The following NEGR1 variants were observed in gnomAD, a reference collection of about 807,000 sequenced individuals.
The protein encoded by NEGR1 is IgLON family member 4.
NEGR1 carries 10 observed loss-of-function variants against 40.9 expected under a neutral mutation model. That is an observed-to-expected ratio of 0.24 (90% CI 0.15 to 0.42). NEGR1 has a LOEUF of 0.42. Among genes scored for constraint, NEGR1 ranks in the 10% least tolerant of loss-of-function variants. The pLI is 1.00. For synonymous variants in NEGR1, 185 were observed against 166.8 expected, an observed-to-expected ratio of 1.11 and a Z score of -0.84; for missense variants, 352 against 438.9, an observed-to-expected ratio of 0.80 and a Z score of 1.77.
intron 6 of NEGR1, among the ~76,000 whole-genome samples, chr1:71,547,849 G>A (rs556910643): frequency 6.6e-6 from 1 of 151,824 alleles, no homozygotes; most frequent in African/African-American, 2.4e-5. Context: ...ATGTGACAGA[G>A]GTGCTGGTAT....
At chr1:71,477,673 G>T (rs989706414) in intron 6 of NEGR1, among the ~76,000 whole-genome samples, 1 of 152,066 alleles carries the variant, frequency 6.6e-6, no homozygotes, top group African/African-American at 2.4e-5. Flanking sequence ...GGGCAGTGGG[G>T]TGCTTTAAAG....
Position 71,415,958 on chromosome 1 carries a change from C to T in NEGR1, c.941-8388G>A, listed in dbSNP as rs555422518. Reference sequence around the variant, plus strand: ...TGTGTGTTTTAAACTCTGGCTTTGTCGTGTGAAATACATTTGCACAAAATA... The same window carrying T: ...TGTGTGTTTTAAACTCTGGCTTTGTTGTGTGAAATACATTTGCACAAAATA... On this transcript the variant is annotated intron_variant, in intron 6 of 6. Transcript: ENST00000357731. Among the ~76,000 whole-genome samples, 4 of 151,976 alleles carry T rather than the reference C, an allele frequency of 2.6e-5. No homozygotes were observed. In the East Asian group the frequency reaches 5.8e-4, roughly 22 times the overall value.
intron 4 of NEGR1, among the ~76,000 whole-genome samples, chr1:71,676,540 C>T (rs553038606): frequency 6.6e-4 from 101 of 152,242 alleles, no homozygotes; most frequent in South Asian, 1.5e-3. Context: ...AGTAGGATTC[C>T]TTCAACCATT....
chr1:71,468,664 A>T (rs1646762746), intron 6 of NEGR1: 2 of 152,004 alleles, frequency 1.3e-5, no homozygotes, highest in South Asian at 2.1e-4. Flanking sequence ...CCCTCACATT[A>T]TGTGGTTGGC....
chr1:71,448,017 G>C (rs1226914319), intron 6 of NEGR1, among the ~76,000 whole-genome samples: 2 of 152,192 alleles, frequency 1.3e-5, no homozygotes, highest in African/African-American at 4.8e-5. Flanking sequence ...CTTTCACAGG[G>C]TTGAATGAAA....
At chr1:71,476,468 A>G (rs1032256136) in intron 6 of NEGR1, among the ~76,000 whole-genome samples, 1 of 152,078 alleles carries the variant, frequency 6.6e-6, no homozygotes, top group South Asian at 2.1e-4. Flanking sequence ...GTGATGCTTA[A>G]TAAGATAATC....
chr1:71,748,085 C>T (rs1354597629), intron 3 of NEGR1, among the ~76,000 whole-genome samples: 1 of 152,134 alleles, frequency 6.6e-6, no homozygotes, highest in Non-Finnish European at 1.5e-5. Flanking sequence ...TAACTTTCCT[C>T]ATTTAGATAT....
chr1:71,448,956 T>A (rs1646603660), intron 6 of NEGR1, among the ~76,000 whole-genome samples: 1 of 152,182 alleles, frequency 6.6e-6, no homozygotes, highest in Admixed American at 6.5e-5. Context: ...GCCACGTCTT[T>A]GTTAAATTTA....
At chr1:71,418,497 T>C (rs757872356) in intron 6 of NEGR1, among the ~76,000 whole-genome samples, 14 of 152,008 alleles carry the variant, frequency 9.2e-5, no homozygotes, top group Non-Finnish European at 1.6e-4. Flanking sequence ...GTAGTTTTAA[T>C]ATGTAGCTCC....
At chr1:72,224,702 G>A (rs890152639) in intron 1 of NEGR1, among the ~76,000 whole-genome samples, 2 of 151,526 alleles carry the variant, frequency 1.3e-5, no homozygotes, top group East Asian at 1.9e-4. Flanking sequence ...TTTAAATGAC[G>A]TCATGTTATT....
intron 1 of NEGR1, among the ~76,000 whole-genome samples, chr1:72,058,119 G>A (rs1195758650): frequency 6.6e-6 from 1 of 151,496 alleles, no homozygotes; most frequent in Admixed American, 6.6e-5. Context: ...AAATTACAGT[G>A]CCTTTGAGGC....
chr1:72,078,998 C>T (rs1272462669), intron 1 of NEGR1, among the ~76,000 whole-genome samples: 1 of 150,434 alleles, frequency 6.6e-6, no homozygotes, highest in Non-Finnish European at 1.5e-5. Flanking sequence ...ACTGAATATA[C>T]CATTTAATCA....
intron 6 of NEGR1, among the ~76,000 whole-genome samples, chr1:71,419,448 G>T (rs1178748984): frequency 6.6e-6 from 1 of 152,112 alleles, no homozygotes; most frequent in Non-Finnish European, 1.5e-5. Flanking sequence ...CTCTCAGTTA[G>T]TGTCACTTTT....
chr1:72,069,708 G>T (rs1164964904), intron 1 of NEGR1, among the ~76,000 whole-genome samples: 1 of 152,040 alleles, frequency 6.6e-6, no homozygotes, highest in Non-Finnish European at 1.5e-5. Flanking sequence ...CAATTAAGAT[G>T]AATTCATTTT....
At chr1:72,046,470 C>A (rs116597953) in intron 1 of NEGR1, among the ~76,000 whole-genome samples, 1 of 151,484 alleles carries the variant, frequency 6.6e-6, no homozygotes, top group Non-Finnish European at 1.5e-5. Flanking sequence ...CACTGCAACC[C>A]TTCAAAATGA....
At chr1:72,242,631 C>A (rs941726423) in intron 1 of NEGR1, among the ~76,000 whole-genome samples, 2 of 151,564 alleles carry the variant, frequency 1.3e-5, no homozygotes, top group Admixed American at 6.6e-5. Context: ...ATAAAGTATA[C>A]TTATATTAAT....
At chr1:72,094,947 C>G (rs936584755) in intron 1 of NEGR1, among the ~76,000 whole-genome samples, 3 of 152,094 alleles carry the variant, frequency 2.0e-5, no homozygotes, top group Non-Finnish European at 4.4e-5. Context: ...ATAATTTCAA[C>G]TGGTGATTTT....
chr1:71,935,521 T>G (rs1645897257), intron 1 of NEGR1, among the ~76,000 whole-genome samples: 2 of 116,468 alleles, frequency 1.7e-5, no homozygotes, highest in African/African-American at 4.6e-5. Context: ...TTTTTAAGTG[T>G]GTAGTGTGTG....
chr1:72,201,932 GA>G (rs1206841549), intron 1 of NEGR1, among the ~76,000 whole-genome samples: 9 of 151,854 alleles, frequency 5.9e-5, no homozygotes, highest in African/African-American at 2.2e-4. Context: ...ATGCTTTGCA[GA>G]TATTGCATTT....
Sources: allele counts gnomAD v4.1 joint callset (sites outside exome capture counted in the v4.1 genomes callset), GRCh38; gene constraint gnomAD v4.1.1; transcripts MANE v1.5; gene names NCBI Gene and HGNC (gene_info 2026-07-23, HGNC 2026-07-21).